Variants in CREB5 observed in about 807,000 individuals in gnomAD.
The protein encoded by CREB5 is cAMP responsive element binding protein 5, also known as cyclic AMP-responsive element-binding protein 5.
A neutral mutation model predicts 57.1 loss-of-function variants in CREB5; 19 were observed. That is an observed-to-expected ratio of 0.33 (90% CI 0.23 to 0.49). The LOEUF (loss-of-function observed/expected upper bound fraction) is 0.49. Ranked by LOEUF, CREB5 falls within the 20% of genes least tolerant of loss-of-function variation. The probability of loss-of-function intolerance (pLI) is 0.99; values close to 1 mark genes in which losing one functional copy is unlikely to be tolerated. For missense variants in CREB5, 579 were observed against 671.6 expected (o/e 0.86, Z 1.52); for synonymous variants, 238 against 238.3 (o/e 1.00, Z 0.01).
intron 1 of CREB5, among the ~76,000 whole-genome samples, chr7:28,347,038 A>G (rs909608817): frequency 6.6e-6 from 1 of 152,146 alleles, no homozygotes; most frequent in African/African-American, 2.4e-5. Context: ...GCATACTTGA[A>G]CCCAATTGCT....
intron 1 of CREB5, among the ~76,000 whole-genome samples, chr7:28,388,372 G>C (rs538522275): frequency 3.5e-4 from 53 of 152,196 alleles, no homozygotes; most frequent in African/African-American, 1.2e-3. Context: ...TTTATGTAAG[G>C]TCTCGGTTCA....
At chr7:28,417,235 A>T (rs1788063658) in intron 1 of CREB5, among the ~76,000 whole-genome samples, 1 of 152,244 alleles carries the variant, frequency 6.6e-6, no homozygotes, top group Non-Finnish European at 1.5e-5. Context: ...AAAAAGAAAC[A>T]GGTGAAGTCA....
At chr7:28,316,180 T>C (rs914216258) in intron 1 of CREB5, among the ~76,000 whole-genome samples, 3 of 152,172 alleles carry the variant, frequency 2.0e-5, no homozygotes, top group Non-Finnish European at 4.4e-5. Context: ...GAACTTGGCC[T>C]TCAAGTGCTT....
chr7:28,605,210 A>C (rs1335290397), intron 5 of CREB5, among the ~76,000 whole-genome samples: 1 of 152,226 alleles, frequency 6.6e-6, no homozygotes, highest in Non-Finnish European at 1.5e-5. Flanking sequence ...AAGAAAAAGA[A>C]AGTATTCATA....
intron 1 of CREB5, among the ~76,000 whole-genome samples, chr7:28,475,456 T>TG (rs1791030699): frequency 7.1e-6 from 1 of 141,426 alleles, no homozygotes; most frequent in South Asian, 2.2e-4. Context: ...ATGGGCTATT[T>TG]GGGGAATAAA....
intron 5 of CREB5, among the ~76,000 whole-genome samples, chr7:28,587,607 C>G (rs1451160241): frequency 6.6e-6 from 1 of 152,166 alleles, no homozygotes; most frequent in Non-Finnish European, 1.5e-5. Flanking sequence ...ATATAAAGTT[C>G]TAAGCAATGA....
chr7:28,321,548 C>T (rs531608148), intron 1 of CREB5, among the ~76,000 whole-genome samples: 27 of 152,196 alleles, frequency 1.8e-4, no homozygotes, highest in Non-Finnish European at 3.4e-4. Flanking sequence ...AGTCCCTCCT[C>T]GAAATTTGGT....
intron 5 of CREB5, among the ~76,000 whole-genome samples, chr7:28,653,108 A>T (rs1404966297): frequency 2.0e-5 from 3 of 152,222 alleles, no homozygotes; most frequent in Admixed American, 6.5e-5. Context: ...ACCTTGGAAA[A>T]TTTCCATGTA....
At chr7:28,501,717 C>A (rs2128603407) in intron 3 of CREB5, among the ~76,000 whole-genome samples, 1 of 152,320 alleles carries the variant, frequency 6.6e-6, no homozygotes, top group African/African-American at 2.4e-5. Context: ...AATAACCCTT[C>A]TTACTAGCTT....
chr7:28,357,642 C>T (rs909728430), intron 1 of CREB5, among the ~76,000 whole-genome samples: 2 of 152,098 alleles, frequency 1.3e-5, no homozygotes, highest in Non-Finnish European at 2.9e-5. Flanking sequence ...TTTAGAGATG[C>T]GTGACTTCGT....
At chr7:28,502,479 C>T (rs973354081) in intron 3 of CREB5, among the ~76,000 whole-genome samples, 5 of 152,098 alleles carry the variant, frequency 3.3e-5, no homozygotes, top group African/African-American at 1.2e-4. Flanking sequence ...TATTTTTCTC[C>T]ACTGATTTGA....
chr7:28,448,855 G>T (rs1033172455), intron 1 of CREB5, among the ~76,000 whole-genome samples: 1 of 152,228 alleles, frequency 6.6e-6, no homozygotes, highest in Admixed American at 6.5e-5. Flanking sequence ...GAGCCCAGAG[G>T]GGTTAAATGA....
At chr7:28,477,160 T>C (rs1791109730) in intron 1 of CREB5, among the ~76,000 whole-genome samples, 2 of 152,264 alleles carry the variant, frequency 1.3e-5, no homozygotes, top group African/African-American at 4.8e-5. Context: ...AAGTTCACTG[T>C]GATGGGTAAT....
chr7:28,432,988 G>T (rs955723352), intron 1 of CREB5, among the ~76,000 whole-genome samples: 1 of 151,992 alleles, frequency 6.6e-6, no homozygotes, highest in Non-Finnish European at 1.5e-5. Context: ...ATTTCCCCAA[G>T]GTCATGATTT....
chr7:28,687,929 G>A (rs1347374661), intron 5 of CREB5, among the ~76,000 whole-genome samples: 1 of 152,192 alleles, frequency 6.6e-6, no homozygotes, highest in Admixed American at 6.5e-5. Flanking sequence ...AGGTGGGCTA[G>A]AAGCTCCTCC....
rs374732944 is a variant in CREB5 at position 28,819,866 on chromosome 7, C to T, written c.*587C>T. On this transcript the variant is annotated 3_prime_UTR_variant, in exon 11 of 11. Coordinates refer to ENST00000357727, the MANE Select transcript of CREB5 (RefSeq NM_182898.4). ...CTTCACCTCTCCTCCTCTTGGTCCA[C>T]TTGCTAATGCCCAGTTTTCTTCTCC... The T allele has an allele frequency of 1.3e-5, 2 of 151,984 alleles. No individual in the cohort carries two copies. Among genetic ancestry groups the T allele is most frequent in the East Asian group, 3.8e-4 (2 of 5,196 alleles). The allele number at this position is 151,984 out of a possible 1,614,324, so 9.4% of individuals were successfully genotyped here.
rs1009575305 is a variant in CREB5 at position 28,724,260 on chromosome 7, G to C, written c.630G>C (p.Gly210=). 6.2e-7 allele frequency: 1 copy of C among 1,613,608 alleles called. No individual in the cohort carries two copies. The highest frequency in any genetic ancestry group is 8.5e-7 in the Non-Finnish European group (1 of 1,179,800). ...RQMSVNSSIM[G]MQGPNLSNPC... is the part of the protein sequence containing the mutation. ...TGTCAGTGAACTCCAGCATCATGGG[G>C]ATGCAAGGTCCAAATCTCAGCAACC... The change falls in exon 7 of 11, where the codon GGG becomes GGC. Residue 210 remains glycine (G), a synonymous_variant. Coordinates refer to ENST00000357727, the MANE Select transcript of CREB5 (RefSeq NM_182898.4).
At chr7:28,714,697 T>A (rs985573394) in intron 5 of CREB5, among the ~76,000 whole-genome samples, 1 of 152,216 alleles carries the variant, frequency 6.6e-6, no homozygotes, top group African/African-American at 2.4e-5. Context: ...AAAGAAAAGC[T>A]TACATAGATT....
intron 5 of CREB5, among the ~76,000 whole-genome samples, chr7:28,691,146 G>C (rs572631886): frequency 6.6e-6 from 1 of 152,280 alleles, no homozygotes; most frequent in East Asian, 1.9e-4. Context: ...TAGGCCAGGC[G>C]TGGTGACTTG....
Sources: allele counts gnomAD v4.1 joint callset (sites outside exome capture counted in the v4.1 genomes callset), GRCh38; gene constraint gnomAD v4.1.1; transcripts MANE v1.5; gene names NCBI Gene and HGNC (gene_info 2026-07-23, HGNC 2026-07-21).